The following CHSY3 variants were observed in gnomAD, a reference collection of about 807,000 sequenced individuals.
CHSY3 encodes N-acetylgalactosaminyl-proteoglycan 3-beta-glucuronosyltransferase 3.
A neutral mutation model predicts 67.2 loss-of-function variants in CHSY3; 35 were observed. The observed-to-expected ratio is 0.52, with a 90% CI of 0.40 to 0.69. The LOEUF (loss-of-function observed/expected upper bound fraction) is 0.69. Ranked by LOEUF, CHSY3 falls within the 30% of genes least tolerant of loss-of-function variation. The pLI is 0.00. For missense variants in CHSY3, 1,069 were observed against 1,138.5 expected, an observed-to-expected ratio of 0.94 and a Z score of 0.88; for synonymous variants, 474 against 434.7, an observed-to-expected ratio of 1.09 and a Z score of -1.12.
intron 2 of CHSY3, among the ~76,000 whole-genome samples, chr5:130,057,734 T>C (rs1406214362): frequency 6.6e-6 from 1 of 152,218 alleles, no homozygotes; most frequent in Non-Finnish European, 1.5e-5. Flanking sequence ...GTAGTAACTC[T>C]GTTGATGAAA....
Position 129,905,254 on chromosome 5 carries a change from C to G in CHSY3, c.425C>G (p.Ala142Gly). The change falls in exon 1 of 3, where the codon GCT becomes GGT. Residue 142 changes from alanine (A) to glycine (G), a missense_variant. Coordinates refer to ENST00000305031, the MANE Select transcript of CHSY3 (RefSeq NM_175856.5). ...GEPEEEDGGA[A>G]GQRRDGRPGS... ...CCCGAGGAGGAGGACGGGGGCGCGG[C>G]TGGGCAGCGGAGAGACGGCCGGCCG... 1.4e-6 allele frequency: 2 copies of G among 1,457,490 alleles called. No homozygotes were observed. Among genetic ancestry groups the G allele is most frequent in the Non-Finnish European group, 1.8e-6 (2 of 1,107,572 alleles). The allele number at this position is 1,457,490 out of a possible 1,614,324, so 90.3% of individuals were successfully genotyped here. A position where few individuals can be genotyped will look rare whatever the true frequency, so the allele number is the denominator to read the frequency against.
At chr5:130,126,650 A>C (rs758882963) in intron 2 of CHSY3, among the ~76,000 whole-genome samples, 3 of 152,176 alleles carry the variant, frequency 2.0e-5, no homozygotes, top group Non-Finnish European at 4.4e-5. Context: ...TGATCTTATA[A>C]TTTTATGTTT....
intron 2 of CHSY3, among the ~76,000 whole-genome samples, chr5:130,073,400 G>T (rs1031832508): frequency 1.3e-5 from 2 of 151,694 alleles, no homozygotes; most frequent in African/African-American, 4.8e-5. Context: ...CGATTCTCCT[G>T]CCTCAGTCTC....
intron 2 of CHSY3, among the ~76,000 whole-genome samples, chr5:130,105,710 A>G (rs1158589658): frequency 6.6e-6 from 1 of 151,682 alleles, no homozygotes; most frequent in Non-Finnish European, 1.5e-5. Context: ...GCCCATCCTC[A>G]ATCATTACTT....
chr5:129,977,338 T>C (rs1762842596), intron 2 of CHSY3, among the ~76,000 whole-genome samples: 1 of 152,160 alleles, frequency 6.6e-6, no homozygotes, highest in African/African-American at 2.4e-5. Context: ...GCATAAGCAA[T>C]CCTTTAAGAA....
chr5:130,003,470 AT>A (rs1285310487), intron 2 of CHSY3, among the ~76,000 whole-genome samples: 2 of 152,116 alleles, frequency 1.3e-5, no homozygotes, highest in African/African-American at 4.8e-5. Flanking sequence ...GGGACCTTGA[AT>A]TGGCTCAAGT....
In CHSY3 at chr5:129,904,867, C is replaced by A; in HGVS notation, c.38C>A (p.Ala13Glu). The change falls in exon 1 of 3, where the codon GCA (alanine) becomes GAA (glutamate). Residue 13 changes from alanine to glutamate, a missense_variant. Transcript: ENST00000305031. ...TCTCGCCGCCCGTGGATGAGCGTGG[C>A]ATTAGGGCTGGTGCTGGGCTTCACC... ...VRSRRPWMSV[A>E]LGLVLGFTAA... 6.7e-7 allele frequency: 1 copy of A among 1,495,306 alleles called. No homozygotes were observed. Among genetic ancestry groups the A allele is most frequent in the Non-Finnish European group, 8.9e-7 (1 of 1,120,492 alleles). 92.6% of individuals were successfully genotyped at this position (1,495,306 alleles called of 1,614,324 possible).
intron 2 of CHSY3, among the ~76,000 whole-genome samples, chr5:130,018,060 G>A (rs1316898192): frequency 1.3e-5 from 2 of 152,084 alleles, no homozygotes; most frequent in Middle Eastern, 3.2e-3. Flanking sequence ...GGTTGTAGAG[G>A]TACGTCTTTA....
chr5:130,172,527 C>T (rs372621403), intron 2 of CHSY3, among the ~76,000 whole-genome samples: 44 of 151,908 alleles, frequency 2.9e-4, no homozygotes, highest in Admixed American at 9.8e-4. Context: ...GATGGGGTTT[C>T]GCCATGTTGC....
chr5:130,112,805 A>T (rs1422590378), intron 2 of CHSY3, among the ~76,000 whole-genome samples: 1 of 152,094 alleles, frequency 6.6e-6, no homozygotes, highest in Non-Finnish European at 1.5e-5. Flanking sequence ...GAAAGAAATG[A>T]GATTATAGAT....
chr5:129,907,015 A>G (rs778787020), intron 1 of CHSY3, among the ~76,000 whole-genome samples: 2 of 152,200 alleles, frequency 1.3e-5, no homozygotes, highest in Non-Finnish European at 2.9e-5. Flanking sequence ...GAATGGTCTC[A>G]TTACATTTTT....
chr5:130,162,819 C>T (rs1468156000), intron 2 of CHSY3, among the ~76,000 whole-genome samples: 2 of 152,186 alleles, frequency 1.3e-5, no homozygotes. Flanking sequence ...AGAAAGGCCA[C>T]ATACCAATTG....
intron 2 of CHSY3, among the ~76,000 whole-genome samples, chr5:129,932,908 C>T (rs1210395034): frequency 6.6e-6 from 1 of 151,982 alleles, no homozygotes. Flanking sequence ...TGTTGACTGG[C>T]CTGGAATGAG....
chr5:130,178,435 G>T (rs1350408284), intron 2 of CHSY3, among the ~76,000 whole-genome samples: 2 of 150,372 alleles, frequency 1.3e-5, no homozygotes, highest in Non-Finnish European at 3.0e-5. Flanking sequence ...TGTATTTCTA[G>T]TAGAGAGGGG....
At chr5:129,920,491 A>G (rs1477306481) in intron 2 of CHSY3, among the ~76,000 whole-genome samples, 2 of 152,038 alleles carry the variant, frequency 1.3e-5, no homozygotes, top group Non-Finnish European at 2.9e-5. Context: ...TGATCCACCC[A>G]CCTTGGCCTC....
At chr5:130,056,897 G>A (rs1015659039) in intron 2 of CHSY3, among the ~76,000 whole-genome samples, 3 of 127,598 alleles carry the variant, frequency 2.4e-5, no homozygotes, top group African/African-American at 5.7e-5. Flanking sequence ...ATATGTATAT[G>A]TTTATTTTTA....
chr5:130,101,212 T>C (rs949355454), intron 2 of CHSY3, among the ~76,000 whole-genome samples: 17 of 152,242 alleles, frequency 1.1e-4, no homozygotes, highest in African/African-American at 3.9e-4. Context: ...TTTTTGTTTT[T>C]GTTGTTTTTG....
Position 129,905,326 on chromosome 5 carries a change from G to T in CHSY3, c.497G>T (p.Ser166Ile), listed in dbSNP as rs1313510574. 5 of 1,528,878 alleles carry T rather than the reference G, an allele frequency of 3.3e-6. No individual in the cohort carries two copies. The highest frequency in any genetic ancestry group is 4.4e-6 in the Non-Finnish European group (5 of 1,141,786). The allele number at this position is 1,528,878 out of a possible 1,614,324, so 94.7% of individuals were successfully genotyped here. A position where few individuals can be genotyped will look rare whatever the true frequency, so the allele number is the denominator to read the frequency against. Residue 166 changes from serine (S) to isoleucine (I), a missense_variant, in exon 1 of 3, where the codon AGC becomes ATC. Physicochemically the swap from Ser to Ile is moderately radical, Grantham distance 142. Coordinates refer to ENST00000305031, the MANE Select transcript of CHSY3 (RefSeq NM_175856.5). ...GSGDGGAAAP[S>I]ARPRDFLYVG... ...GGGGACGGGGGCGCTGCCGCCCCGA[G>T]CGCCCGACCCCGGGACTTCCTGTAC... is the stretch of plus-strand genomic sequence containing the variant.
chr5:129,996,512 A>G (rs1004025144), intron 2 of CHSY3, among the ~76,000 whole-genome samples: 3 of 152,160 alleles, frequency 2.0e-5, no homozygotes, highest in Non-Finnish European at 2.9e-5. Flanking sequence ...TGCCATAAAC[A>G]GTTTCTGTTT....
Sources: allele counts gnomAD v4.1 joint callset (sites outside exome capture counted in the v4.1 genomes callset), GRCh38; gene constraint gnomAD v4.1.1; transcripts MANE v1.5; gene names NCBI Gene and HGNC (gene_info 2026-07-23, HGNC 2026-07-21).